Variants in RMST observed in about 807,000 individuals in gnomAD.
RMST encodes rhabdomyosarcoma 2 associated transcript.
chr12:97,550,981 G>T (rs748780788), intron 11 of RMST, among the ~76,000 whole-genome samples: 1 of 151,978 alleles, frequency 6.6e-6, no homozygotes, highest in Non-Finnish European at 1.5e-5. Context: ...TCACTATTTC[G>T]TAGAAGAGAA....
intron 10 of RMST, among the ~76,000 whole-genome samples, chr12:97,509,846 G>C (rs2136508296): frequency 6.6e-6 from 1 of 152,224 alleles, no homozygotes; most frequent in Middle Eastern, 3.4e-3. Context: ...ATTTTTTTGG[G>C]TGATGGTGAC....
At chr12:97,514,640 TG>T (rs1224499868) in intron 10 of RMST, among the ~76,000 whole-genome samples, 1 of 151,998 alleles carries the variant, frequency 6.6e-6, no homozygotes, top group African/African-American at 2.4e-5. Context: ...TTGCATTAAA[TG>T]CCTGTTCATT....
chr12:97,527,757 A>G (rs535061050), intron 10 of RMST, among the ~76,000 whole-genome samples: 15 of 152,096 alleles, frequency 9.9e-5, no homozygotes, highest in Non-Finnish European at 2.1e-4. Context: ...TTGTTTTATT[A>G]TTATTGCTGT....
chr12:97,499,278 T>C (rs2136472325), intron 10 of RMST, among the ~76,000 whole-genome samples: 1 of 152,336 alleles, frequency 6.6e-6, no homozygotes. Flanking sequence ...ATCCATATAC[T>C]CGTTCTTGCT....
At chr12:97,546,246 C>CT (rs1882920402) in intron 11 of RMST, among the ~76,000 whole-genome samples, 1 of 151,976 alleles carries the variant, frequency 6.6e-6, no homozygotes, top group African/African-American at 2.4e-5. Context: ...AAAAATACTG[C>CT]TTTTTTATGG....
At chr12:97,501,042 T>G (rs1366641392) in intron 10 of RMST, among the ~76,000 whole-genome samples, 1 of 152,222 alleles carries the variant, frequency 6.6e-6, no homozygotes, top group Non-Finnish European at 1.5e-5. Context: ...GTGCCTATTT[T>G]GTGGTGGACC....
In RMST at chr12:97,524,075, C is replaced by CAGAGAAAAAAAAAAAAAAAAAAAAAAAA. The variant is rs57255256; in HGVS notation, n.1341-6579_1341-6578insGAGAAAAAAAAAAAAAAAAAAAAAAAAA. Among the ~76,000 whole-genome samples the CAGAGAAAAAAAAAAAAAAAAAAAAAAAA allele has an allele frequency of 5.2e-3, 290 of 56,124 alleles. 113 individuals carry two copies. The highest frequency in any genetic ancestry group is 6.7e-3 in the Non-Finnish European group (209 of 31,002). 36.8% of individuals were successfully genotyped at this position (56,124 alleles called of 152,430 possible). On this transcript the variant is annotated intron_variant and non_coding_transcript_variant, in intron 10 of 13. Coordinates refer to ENST00000640149, the Ensembl canonical transcript of RMST. ...TGGGCAACAGAGTGAGACTCTGTCTCAAAAAAAAAAAAAAAAAAAAAAAAA... is the reference window on the plus strand; with the variant it reads ...TGGGCAACAGAGTGAGACTCTGTCTCAGAGAAAAAAAAAAAAAAAAAAAAAAAAAAAAAAAAAAAAAAAAAAAAAAAAA...
intron 5 of RMST, among the ~76,000 whole-genome samples, chr12:97,483,086 G>A (rs968321397): frequency 6.6e-6 from 1 of 151,986 alleles, no homozygotes; most frequent in Non-Finnish European, 1.5e-5. Flanking sequence ...TTGTCAGTTT[G>A]ATAATATTGT....
intron 5 of RMST, among the ~76,000 whole-genome samples, chr12:97,488,804 C>T (rs1027764111): frequency 1.3e-5 from 2 of 152,158 alleles, no homozygotes; most frequent in African/African-American, 4.8e-5. Flanking sequence ...CAAGTGAGCA[C>T]TCAGTAATTA....
intron 10 of RMST, among the ~76,000 whole-genome samples, chr12:97,528,221 T>A (rs1881301968): frequency 6.6e-6 from 1 of 152,172 alleles, no homozygotes; most frequent in East Asian, 1.9e-4. Flanking sequence ...CTCCATCCAG[T>A]CTTTCTTCAA....
intron 11 of RMST, among the ~76,000 whole-genome samples, chr12:97,535,580 A>T (rs1056076327): frequency 1.3e-5 from 2 of 151,660 alleles, no homozygotes; most frequent in African/African-American, 4.8e-5. Flanking sequence ...ACCTGAAGTC[A>T]GATAGCTAGT....
At chr12:97,512,203 G>A (rs923685795) in intron 10 of RMST, among the ~76,000 whole-genome samples, 7 of 152,112 alleles carry the variant, frequency 4.6e-5, no homozygotes, top group African/African-American at 1.2e-4. Flanking sequence ...TTAAGGTGGC[G>A]CGTCTGGCGT....
chr12:97,522,917 A>C (rs1880667288), intron 10 of RMST, among the ~76,000 whole-genome samples: 1 of 152,166 alleles, frequency 6.6e-6, no homozygotes, highest in Non-Finnish European at 1.5e-5. Flanking sequence ...TACCATATCC[A>C]AATTTGATTA....
intron 5 of RMST, chr12:97,492,117 G>A (rs542292015): frequency 2.5e-5 from 9 of 365,786 alleles, no homozygotes; most frequent in African/African-American, 1.9e-4. Flanking sequence ...TGACAGTACT[G>A]TGAAGAATTC....
At chr12:97,480,124 T>C (rs1289510605) in intron 5 of RMST, among the ~76,000 whole-genome samples, 2 of 149,604 alleles carry the variant, frequency 1.3e-5, no homozygotes, top group Non-Finnish European at 3.0e-5. Context: ...AGAGTTTCGC[T>C]CTGTCACCCA....
chr12:97,506,354 C>T (rs1240314062), intron 10 of RMST, among the ~76,000 whole-genome samples: 1 of 152,114 alleles, frequency 6.6e-6, no homozygotes, highest in Non-Finnish European at 1.5e-5. Context: ...GCCTCTTTCC[C>T]TATGTGAAAT....
chr12:97,463,945 T>A (rs190474391), intron 4 of RMST, among the ~76,000 whole-genome samples: 1 of 152,170 alleles, frequency 6.6e-6, no homozygotes, highest in South Asian at 2.1e-4. Flanking sequence ...TGTGTAGAGA[T>A]ATTACTAAAA....
At chr12:97,532,427 A>G (rs1460836982) in intron 11 of RMST, among the ~76,000 whole-genome samples, 1 of 151,964 alleles carries the variant, frequency 6.6e-6, no homozygotes, top group Non-Finnish European at 1.5e-5. Flanking sequence ...AATAGAAATA[A>G]GTAGGTGAAT....
intron 5 of RMST, among the ~76,000 whole-genome samples, chr12:97,485,112 T>C (rs988647321): frequency 2.6e-4 from 39 of 152,174 alleles, no homozygotes; most frequent in African/African-American, 8.7e-4. Context: ...CTTAGAATGA[T>C]TGAAGTCATG....
Sources: gnomAD v4.1 joint callset for allele counts (sites outside exome capture counted in the v4.1 genomes callset) on GRCh38, gnomAD v4.1.1 for gene constraint, MANE v1.5 for transcripts, NCBI Gene and HGNC (gene_info 2026-07-23, HGNC 2026-07-21) for gene names.